The following TNNI1 variants were observed in gnomAD, a reference collection of about 807,000 sequenced individuals.
TNNI1 encodes troponin I1, slow skeletal type, also known as troponin I, slow skeletal muscle.
TNNI1 carries 14 observed loss-of-function variants against 26.7 expected under a neutral mutation model. That is an observed-to-expected ratio of 0.52 (90% CI 0.35 to 0.82). TNNI1 has a LOEUF of 0.82. TNNI1 is among the 40% of genes least tolerant of loss of function. The pLI is 0.01. For missense variants in TNNI1, 164 were observed against 257.0 expected, an observed-to-expected ratio of 0.64 and a Z score of 2.47; for synonymous variants, 79 against 98.2, an observed-to-expected ratio of 0.80 and a Z score of 1.16.
rs771553432 is a variant in TNNI1 at position 201,408,440 on chromosome 1, C to T, written c.*813G>A. On this transcript the variant is annotated 3_prime_UTR_variant, in exon 9 of 9. Transcript: ENST00000361379. ...TATCTCTTCTGTGAGGCCTCCTGCC[C>T]TGTGCAGCAGGACTAGGTGAGGGAT... 3 of 152,330 alleles carry T rather than the reference C, an allele frequency of 2.0e-5. No homozygotes were observed. The highest frequency in any genetic ancestry group is 2.9e-5 in the Non-Finnish European group (2 of 68,166). 9.4% of individuals were successfully genotyped at this position (152,330 alleles called of 1,614,324 possible). A position where few individuals can be genotyped will look rare whatever the true frequency, so the allele number is the denominator to read the frequency against.
chr1:201,418,085 C>T, intron 1 of TNNI1, among the ~76,000 whole-genome samples: 1 of 147,468 alleles, frequency 6.8e-6, no homozygotes, highest in Non-Finnish European at 1.5e-5. Context: ...CAACAGAAAC[C>T]TTATGTGAGC....
At chr1:201,415,342 C>T (rs200580761) in intron 3 of TNNI1, 88 bp from the exon 4 acceptor site, 80 of 1,369,198 alleles carry the variant, frequency 5.8e-5, no homozygotes, top group Non-Finnish European at 7.6e-5. Flanking sequence ...TGCCAGCCAG[C>T]GTTCTCTATC....
rs532201518 is a variant in TNNI1, at chr1:201,405,082, A to G, written c.*4171T>C. ...TGCTGAGTTGAGGCCAGAGATGGGC[A>G]GCCTGTTCAGATCCCTGGGCGTTTG... On this transcript the variant is annotated 3_prime_UTR_variant, in exon 9 of 9. Coordinates refer to ENST00000361379, the MANE Select transcript of TNNI1 (RefSeq NM_003281.4). 6.6e-6 allele frequency: 1 copy of G among 152,440 alleles called. No homozygotes were observed. The highest frequency in any genetic ancestry group is 2.1e-4 in the South Asian group (1 of 4,836). 9.4% of individuals were successfully genotyped at this position (152,440 alleles called of 1,614,324 possible). A position where few individuals can be genotyped will look rare whatever the true frequency, so the allele number is the denominator to read the frequency against.
At chr1:201,410,933 T>A (rs1286135372) in intron 7 of TNNI1, among the ~76,000 whole-genome samples, 4 of 152,210 alleles carry the variant, frequency 2.6e-5, no homozygotes, top group African/African-American at 7.2e-5. Flanking sequence ...TCAACCAACT[T>A]TGAATAATTT....
chr1:201,412,252 A>G (rs1384218400), intron 6 of TNNI1, among the ~76,000 whole-genome samples: 1 of 152,144 alleles, frequency 6.6e-6, no homozygotes, highest in Non-Finnish European at 1.5e-5. Context: ...GTGAGCCTTC[A>G]AAGCAGCTCA....
intron 3 of TNNI1, among the ~76,000 whole-genome samples, chr1:201,415,870 T>C (rs529893055): frequency 3.9e-5 from 6 of 152,320 alleles, no homozygotes; most frequent in Non-Finnish European, 8.8e-5. Flanking sequence ...TCTTGCTTAC[T>C]AGTCCTAGCC....
At chr1:201,420,820 A>C (rs1662843712) in intron 1 of TNNI1, among the ~76,000 whole-genome samples, 1 of 152,094 alleles carries the variant, frequency 6.6e-6, no homozygotes, top group African/African-American at 2.4e-5. Context: ...CTAATCTCAG[A>C]GCTGCTGTGG....
In TNNI1 at chr1:201,410,040, G is replaced by A. The variant is rs537619122; in HGVS notation, c.*2+286C>T. The A allele has an allele frequency of 4.1e-5, 12 of 291,578 alleles. No individual in the cohort carries two copies. In the South Asian group the frequency reaches 4.6e-4, roughly 11 times the overall value. 18.1% of individuals were successfully genotyped at this position (291,578 alleles called of 1,614,324 possible). ...CATTTGCATCCCAGGTGATGTAGACGCTGCTGGTCCCAGGACCACACTTGG... is the reference window on the plus strand; with the variant it reads ...CATTTGCATCCCAGGTGATGTAGACACTGCTGGTCCCAGGACCACACTTGG... On this transcript the variant is annotated intron_variant, in intron 8 of 8. Transcript: ENST00000361379.
rs933244177 is a variant in TNNI1 at position 201,420,349 on chromosome 1, T to C, written c.-20+1324A>G. On this transcript the variant is annotated intron_variant, in intron 1 of 8. Coordinates refer to ENST00000361379, the MANE Select transcript of TNNI1 (RefSeq NM_003281.4). ...GAGGACTGATAAGTCAGGATGAAGATAGCAGCCACTGGAAGGCTTGGAGAG... is the reference window on the plus strand; with the variant it reads ...GAGGACTGATAAGTCAGGATGAAGACAGCAGCCACTGGAAGGCTTGGAGAG... Among the ~76,000 whole-genome samples, 18 of 152,222 alleles carry C rather than the reference T, an allele frequency of 1.2e-4. No homozygotes were observed. The East Asian group carries it at 2.1e-3, about 18-fold the overall frequency.
At chr1:201,418,504 C>T (rs1484759788) in intron 1 of TNNI1, among the ~76,000 whole-genome samples, 1 of 151,134 alleles carries the variant, frequency 6.6e-6, no homozygotes, top group Non-Finnish European at 1.5e-5. Context: ...GAGTGTAGCT[C>T]ACTCATGAGG....
Position 201,414,525 on chromosome 1 carries a change from G to A in TNNI1, c.182C>T (p.Ala61Val). ...TLQTRGLSLS[A>V]LQDLCRELHA... ...CCCACCTGCCAGGCTAACCTGCAGG[G>A]CACTGAGGGACAGGCCACGGGTCTG... The change falls in exon 5 of 9, where the codon GCC (alanine) becomes GTC (valine). Residue 61 changes from alanine to valine, a missense_variant. Physicochemically the swap from Ala to Val is moderately conservative, Grantham distance 64 (BLOSUM62 0). Transcript: ENST00000361379. 1.9e-6 allele frequency: 3 copies of A among 1,599,482 alleles called. No individual in the cohort carries two copies. Among genetic ancestry groups the A allele is most frequent in the African/African-American group, 1.3e-5 (1 of 74,860 alleles).
At chr1:201,421,315 C>A (rs1211139416) in intron 1 of TNNI1, among the ~76,000 whole-genome samples, 1 of 152,128 alleles carries the variant, frequency 6.6e-6, no homozygotes. Flanking sequence ...AGGGCCACCC[C>A]TTCCCCTGGG....
intron 1 of TNNI1, among the ~76,000 whole-genome samples, chr1:201,421,264 G>A (rs1241127175): frequency 2.0e-5 from 3 of 152,108 alleles, no homozygotes; most frequent in African/African-American, 7.2e-5. Context: ...TCCGCTGCAG[G>A]CATTGCTGAC....
At chr1:201,413,495 C>T (rs538105753) in intron 5 of TNNI1, among the ~76,000 whole-genome samples, 5 of 151,864 alleles carry the variant, frequency 3.3e-5, no homozygotes, top group Middle Eastern at 3.4e-3. Context: ...CCTGTAATCC[C>T]AGCACTTTGG....
intron 2 of TNNI1, among the ~76,000 whole-genome samples, chr1:201,417,403 A>G (rs1558283225): frequency 6.6e-6 from 1 of 152,174 alleles, no homozygotes; most frequent in Non-Finnish European, 1.5e-5. Context: ...AGGGGAGGGA[A>G]GCCTTAGCGT....
At chr1:201,418,972 G>A (rs1348911597) in intron 1 of TNNI1, among the ~76,000 whole-genome samples, 11 of 152,128 alleles carry the variant, frequency 7.2e-5, no homozygotes, top group Non-Finnish European at 1.6e-4. Flanking sequence ...CTATCAGAAG[G>A]TGGAGGGTGG....
chr1:201,415,674 C>G (rs1662723010), intron 3 of TNNI1, among the ~76,000 whole-genome samples: 1 of 152,150 alleles, frequency 6.6e-6, no homozygotes, highest in Non-Finnish European at 1.5e-5. Flanking sequence ...TTTTCACACT[C>G]CAGGTAGTAA....
chr1:201,421,507 C>A (rs541178674), intron 1 of TNNI1, among the ~76,000 whole-genome samples, 166 bp downstream of exon 1: 196 of 152,326 alleles, frequency 1.3e-3, no homozygotes, highest in African/African-American at 4.7e-3. Context: ...TTCTGTGGGA[C>A]AAAATGCTGT....
At chr1:201,417,073 CGTTAGA>C (rs1558283055) in intron 3 of TNNI1, 37 bp downstream of exon 3, 1 of 1,613,622 alleles carries the variant, frequency 6.2e-7, no homozygotes, top group Admixed American at 1.7e-5. Context: ...TTTTACCAGT[CGTTAGA>C]GTTAACCAAG....
Sources: allele counts gnomAD v4.1 joint callset (sites outside exome capture counted in the v4.1 genomes callset), GRCh38; gene constraint gnomAD v4.1.1; transcripts MANE v1.5; gene names NCBI Gene and HGNC (gene_info 2026-07-23, HGNC 2026-07-21).